The following CDC42 variants were observed in gnomAD, a reference collection of about 807,000 sequenced individuals.
CDC42 encodes the protein cell division cycle 42, also known as cell division control protein 42 homolog.
In CDC42, 1 loss-of-function variant was observed where a neutral mutation model predicts 20.8. The observed-to-expected ratio is 0.05, with a 90% CI of 0.02 to 0.23. The LOEUF (loss-of-function observed/expected upper bound fraction) is 0.23. Among genes scored for constraint, CDC42 ranks in the 10% least tolerant of loss-of-function variants. CDC42 has a pLI of 1.00. For synonymous variants in CDC42, 72 were observed against 84.8 expected, an observed-to-expected ratio of 0.85 and a Z score of 0.83; for missense variants, 49 against 227.9, an observed-to-expected ratio of 0.21 and a Z score of 5.05.
chr1:22,074,576 G>GA (rs929227682), intron 1 of CDC42, among the ~76,000 whole-genome samples: 1 of 151,532 alleles, frequency 6.6e-6, no homozygotes, highest in Non-Finnish European at 1.5e-5. Flanking sequence ...GTGACATTAA[G>GA]AAAAAAAATT....
intron 1 of CDC42, among the ~76,000 whole-genome samples, chr1:22,072,535 C>T (rs1440031580): frequency 6.6e-6 from 1 of 152,088 alleles, no homozygotes; most frequent in Non-Finnish European, 1.5e-5. Context: ...GTTCACAGAC[C>T]TGGAAGCTCT....
chr1:22,067,295 G>A (rs187843083), intron 1 of CDC42, among the ~76,000 whole-genome samples: 1 of 152,196 alleles, frequency 6.6e-6, no homozygotes, highest in African/African-American at 2.4e-5. Context: ...GTGAGGGCCT[G>A]CTTTGTGGTT....
intron 5 of CDC42, chr1:22,089,806 C>A: frequency 1.2e-6 from 1 of 816,282 alleles, no homozygotes; most frequent in Non-Finnish European, 1.8e-6. Context: ...GGCTTAAGAT[C>A]TAGCATTCTA....
chr1:22,077,911 C>G (rs1645567967), intron 1 of CDC42, among the ~76,000 whole-genome samples: 1 of 152,184 alleles, frequency 6.6e-6, no homozygotes, highest in South Asian at 2.1e-4. Flanking sequence ...TGTTCAGTTC[C>G]TCACGTTACT....
chr1:22,069,494 C>T (rs1338461003), intron 1 of CDC42, among the ~76,000 whole-genome samples: 2 of 147,074 alleles, frequency 1.4e-5, no homozygotes, highest in South Asian at 2.2e-4. Context: ...GTCTTGTTCT[C>T]TTACCCAGGC....
intron 1 of CDC42, among the ~76,000 whole-genome samples, chr1:22,078,030 T>A (rs895144964): frequency 3.9e-5 from 6 of 152,250 alleles, no homozygotes; most frequent in Non-Finnish European, 8.8e-5. Flanking sequence ...GTGGCCTTTG[T>A]ATTGCAGTCT....
chr1:22,065,022 A>T (rs1171050839), intron 1 of CDC42, among the ~76,000 whole-genome samples: 1 of 152,218 alleles, frequency 6.6e-6, no homozygotes, highest in Non-Finnish European at 1.5e-5. Flanking sequence ...TGATAGTAAG[A>T]GTTCATAGTT....
chr1:22,071,107 G>A (rs188264299), intron 1 of CDC42, among the ~76,000 whole-genome samples: 5 of 146,414 alleles, frequency 3.4e-5, no homozygotes, highest in African/African-American at 5.1e-5. Flanking sequence ...GCAGTGGCGC[G>A]GTCTCGGCTC....
intron 1 of CDC42, among the ~76,000 whole-genome samples, chr1:22,053,076 G>T (rs1236829731): frequency 1.3e-5 from 2 of 151,390 alleles, no homozygotes; most frequent in East Asian, 3.9e-4. Context: ...CTGGGCGCCC[G>T]GGCTCCCCTC....
intron 2 of CDC42, among the ~76,000 whole-genome samples, chr1:22,080,282 A>T (rs541894901): frequency 6.6e-6 from 1 of 152,344 alleles, no homozygotes; most frequent in Admixed American, 6.5e-5. Flanking sequence ...GGATATGAAC[A>T]ATCTAGTAAA....
rs1645477204 is a variant in CDC42 at position 22,070,640 on chromosome 1, A to AT, written c.-50-7784dup. Among the ~76,000 whole-genome samples the AT allele has an allele frequency of 2.0e-5, 3 of 150,908 alleles. No homozygotes were observed. The South Asian group carries it at 6.3e-4, about 32-fold the overall frequency. On this transcript the variant is annotated intron_variant, in intron 1 of 5. Transcript: ENST00000656825. Reference sequence around the variant, plus strand: ...CACCACGCCCAGCTGATTTTTTTGTATTTTTAACAGAGGCAGGGTTTCACT... The same window carrying AT: ...CACCACGCCCAGCTGATTTTTTTGTATTTTTTAACAGAGGCAGGGTTTCACT...
At chr1:22,060,412 A>G (rs1397775021) in intron 1 of CDC42, among the ~76,000 whole-genome samples, 1 of 152,188 alleles carries the variant, frequency 6.6e-6, no homozygotes, top group African/African-American at 2.4e-5. Flanking sequence ...AGAACAGATC[A>G]AATGAGGAAC....
At position 22,073,912 on chromosome 1, in the gene CDC42, A is replaced by T. The variant is rs150112515; in HGVS notation, c.-50-4517A>T. Among the ~76,000 whole-genome samples, 193 of 151,998 alleles carry T rather than the reference A, an allele frequency of 1.3e-3. 1 individual carries two copies. Among genetic ancestry groups the T allele is most frequent in the Middle Eastern group, 6.8e-3 (2 of 294 alleles). ...GCAATCTCCCCACCTTGTCCCCCCA[A>T]AGTGCTGGGATTACAGGTGTGAGCC... On this transcript the variant is annotated intron_variant, in intron 1 of 5. Transcript: ENST00000656825.
At chr1:22,065,842 A>G (rs546559138) in intron 1 of CDC42, among the ~76,000 whole-genome samples, 5 of 151,822 alleles carry the variant, frequency 3.3e-5, no homozygotes, top group East Asian at 1.9e-4. Context: ...GCTCACTGCA[A>G]CCTCCTCCCG....
chr1:22,078,912 T>C (rs1645579301), intron 2 of CDC42: 2 of 1,202,558 alleles, frequency 1.7e-6, no homozygotes, highest in African/African-American at 3.2e-5. Flanking sequence ...TTTGATATTT[T>C]GGCCAATTAT....
Position 22,098,986 on chromosome 1 carries a change from T to C in CDC42, c.*7469T>C, listed in dbSNP as rs1466160728. The stretch of plus-strand genomic sequence containing the variant: ...TTTACCCAGGCTGGTCTCGAACTCC[T>C]GAGCTGATCCTCCCACCTCGGCCTC... On this transcript the variant is annotated 3_prime_UTR_variant, in exon 6 of 6. Transcript: ENST00000656825. 6.6e-6 allele frequency among the ~76,000 whole-genome samples: 1 copy of C among 152,210 alleles called. No homozygotes were observed. The highest frequency in any genetic ancestry group is 1.5e-5 in the Non-Finnish European group (1 of 68,040).
At chr1:22,055,867 G>GTTT (rs35437576) in intron 1 of CDC42, among the ~76,000 whole-genome samples, 1,473 of 126,584 alleles carry the variant, frequency 0.012, 52 homozygotes, top group African/African-American at 0.04. Context: ...TTGTTTTAGA[G>GTTT]TTTTTTTTTT....
rs536423826 is a variant in CDC42 at position 22,053,034 on chromosome 1, G to T, written c.-51+292G>T. Among the ~76,000 whole-genome samples, 486 of 151,360 alleles carry T rather than the reference G, an allele frequency of 3.2e-3. 1 individual carries two copies. Among genetic ancestry groups the T allele is most frequent in the African/African-American group, 0.011 (443 of 41,428 alleles). ...CGCGAGCGGGACCGGGCTGTCACCGGCAGCGGCGGAAGGAAGGGGGTCACA... is the reference window on the plus strand; with the variant it reads ...CGCGAGCGGGACCGGGCTGTCACCGTCAGCGGCGGAAGGAAGGGGGTCACA... On this transcript the variant is annotated intron_variant, in intron 1 of 5. Transcript: ENST00000656825.
chr1:22,100,222 A>T lies in CDC42; in HGVS notation c.*8705A>T, dbSNP rs553644443. Among the ~76,000 whole-genome samples the T allele has an allele frequency of 2.4e-4, 37 of 152,088 alleles. No individual in the cohort carries two copies. Among genetic ancestry groups the T allele is most frequent in the Non-Finnish European group, 5.1e-4 (35 of 68,010 alleles). ...GGGGCTCTGCCTTCATCTTCTCTGC[A>T]AACGGTCAGGGATACTCATGCAGTT... On this transcript the variant is annotated 3_prime_UTR_variant, in exon 6 of 6. Coordinates refer to ENST00000656825, the MANE Select transcript of CDC42 (RefSeq NM_001791.4).
Sources: gnomAD v4.1 joint callset for allele counts (sites outside exome capture counted in the v4.1 genomes callset) on GRCh38, gnomAD v4.1.1 for gene constraint, MANE v1.5 for transcripts, NCBI Gene and HGNC (gene_info 2026-07-23, HGNC 2026-07-21) for gene names.